CARNS1: variants seen among roughly 807,000 people sequenced by gnomAD.
CARNS1 encodes the protein carnosine synthase 1, also known as ATP-grasp domain containing 1.
Under a neutral mutation model 74.0 loss-of-function variants are expected in CARNS1, and 61 were observed. The ratio of observed to expected loss-of-function variants is 0.82; its 90% CI spans 0.67 to 1.02. CARNS1 has a LOEUF of 1.02. Ranked by LOEUF, CARNS1 falls within the 50% of genes least tolerant of loss-of-function variation. CARNS1 has a pLI of 0.00. For synonymous variants in CARNS1, 568 were observed against 605.5 expected (o/e 0.94, Z 0.91); for missense variants, 1,278 against 1,308.4 (o/e 0.98, Z 0.36).
intron 9 of CARNS1, among the ~76,000 whole-genome samples, chr11:67,421,492 C>A (rs1590961305): frequency 6.6e-6 from 1 of 152,066 alleles, no homozygotes; most frequent in Non-Finnish European, 1.5e-5. Context: ...GGAGAGGAGC[C>A]CGGGTAGATG....
In CARNS1 at chr11:67,420,633, G is replaced by T; in HGVS notation, c.1138G>T (p.Asp380Tyr). 8.1e-7 allele frequency: 1 copy of T among 1,241,422 alleles called. No individual in the cohort carries two copies. Among genetic ancestry groups the T allele is most frequent in the Non-Finnish European group, 1.0e-6 (1 of 993,234 alleles). The allele number at this position is 1,241,422 out of a possible 1,614,324, so 76.9% of individuals were successfully genotyped here. The part of the protein sequence containing the change: ...SKVVCGVGRG[D>Y]RPLRHHNSLP... ...GGTGGTGTGCGGCGTGGGCCGCGGG[G>T]ACCGCCCTCTACGGCACCACAACTC... is the stretch of plus-strand genomic sequence containing the variant. Residue 380 changes from aspartate to tyrosine, a missense_variant, in exon 8 of 10, where the codon GAC (aspartate) becomes TAC (tyrosine). Coordinates refer to ENST00000687366, the MANE Select transcript of CARNS1 (RefSeq NM_001166222.2).
intron 7 of CARNS1, 44 bp downstream of exon 7, chr11:67,419,882 G>A (rs1863651902): frequency 2.6e-6 from 4 of 1,540,664 alleles, no homozygotes; most frequent in East Asian, 2.4e-5. Flanking sequence ...CCTGCCACAC[G>A]CCAGCCCAGT....
chr11:67,416,429 CCTT>C, intron 2 of CARNS1: 2 of 1,384,512 alleles, frequency 1.4e-6, no homozygotes, highest in Admixed American at 3.0e-5. Flanking sequence ...AGGGAGCTCA[CCTT>C]CTAGGAGACG....
chr11:67,424,013 G>T lies in CARNS1; in HGVS notation c.2265G>T (p.Thr755=). The part of the protein sequence containing the change: ...LAAFVSDNGP[T]RLPGFTETAA... ...CCTTTGTCTCCGACAATGGCCCTAC[G>T]AGGCTGCCTGGCTTCACTGAGACGG... The change falls in exon 10 of 10, where the codon ACG becomes ACT. Residue 755 remains threonine (T), a synonymous_variant. Coordinates refer to ENST00000687366, the MANE Select transcript of CARNS1 (RefSeq NM_001166222.2). The T allele has an allele frequency of 6.2e-7, 1 of 1,612,940 alleles. No individual in the cohort carries two copies. The highest frequency in any genetic ancestry group is 8.5e-7 in the Non-Finnish European group (1 of 1,179,806).
chr11:67,423,884 A>C lies in CARNS1; in HGVS notation c.2136A>C (p.Pro712=), dbSNP rs1863766939. 6.2e-7 allele frequency: 1 copy of C among 1,613,416 alleles called. No homozygotes were observed. Residue 712 remains proline, a synonymous_variant, in exon 10 of 10, where the codon CCA becomes CCC. Coordinates refer to ENST00000687366, the MANE Select transcript of CARNS1 (RefSeq NM_001166222.2). This position sits in a 1 kb window ranked among gnomAD's most constrained non-coding sequence, Gnocchi z 5.1. ...ACTTGCAGGGCGAGGCCGACCACCC[A>C]GGCATTGGGCTGGGCTGGGGCAATG... is the stretch of plus-strand genomic sequence containing the variant. ...TRDLQGEADH[P]GIGLGWGNAM...
At position 67,421,229 on chromosome 11, in the gene CARNS1, G is replaced by A; in HGVS notation, c.1626+10G>A. On this transcript the variant is annotated intron_variant, in intron 9 of 9. Transcript: ENST00000687366. ...CGACTACGGGCTCCAGGTGGGCGGGGCGCGGGGCGGGGCTGGGCCCCAGGT... is the reference window on the plus strand; with the variant it reads ...CGACTACGGGCTCCAGGTGGGCGGGACGCGGGGCGGGGCTGGGCCCCAGGT... 3.4e-6 allele frequency: 5 copies of A among 1,481,980 alleles called. No individual in the cohort carries two copies. The highest frequency in any genetic ancestry group is 3.6e-6 in the Non-Finnish European group (4 of 1,123,590). 91.8% of individuals were successfully genotyped at this position (1,481,980 alleles called of 1,614,324 possible).
At position 67,422,198 on chromosome 11, in the gene CARNS1, T is replaced by G. The variant is rs1257524617; in HGVS notation, c.1626+979T>G. Among the ~76,000 whole-genome samples, 14 of 139,958 alleles carry G rather than the reference T, an allele frequency of 1.0e-4. 1 individual carries two copies. The highest frequency in any genetic ancestry group is 3.8e-4 in the African/African-American group (14 of 36,766). The allele number at this position is 139,958 out of a possible 152,430, so 91.8% of individuals were successfully genotyped here. On this transcript the variant is annotated intron_variant, in intron 9 of 9. Transcript: ENST00000687366. The stretch of plus-strand genomic sequence containing the variant: ...TTTTTTTTTTTTTTTTTTTTTTTTT[T>G]TTTAATACGGAGTCTCTCTCTGTCT...
At chr11:67,416,372 T>C (rs1590956129) in intron 2 of CARNS1, 170 bp downstream of exon 2, 1 of 1,452,986 alleles carries the variant, frequency 6.9e-7, no homozygotes, top group Non-Finnish European at 9.1e-7. Flanking sequence ...TCCTGGGAGG[T>C]GGGCACTCTT....
Position 67,423,980 on chromosome 11 carries a change from G to A in CARNS1, c.2232G>A (p.Leu744=), listed in dbSNP as rs765014733. 6.2e-7 allele frequency: 1 copy of A among 1,613,330 alleles called. No individual in the cohort carries two copies. Among genetic ancestry groups the A allele is most frequent in the Non-Finnish European group, 8.5e-7 (1 of 1,179,842 alleles). The change falls in exon 10 of 10, where the codon TTG becomes TTA. Residue 744 remains leucine (L), a synonymous_variant. Coordinates refer to ENST00000687366, the MANE Select transcript of CARNS1 (RefSeq NM_001166222.2). The surrounding 1 kb of genome is among the most constrained non-coding windows in gnomAD (Gnocchi z 5.1). ...DVDLVLFGGR[L]LAAFVSDNGP... is the part of the protein sequence containing the mutation. The stretch of plus-strand genomic sequence containing the variant: ...ACCTGGTGTTGTTTGGTGGGCGGTT[G>A]CTGGCTGCCTTTGTCTCCGACAATG...
chr11:67,416,109 G>A, intron 1 of CARNS1, 67 bp from the exon 2 acceptor site: 2 of 986,242 alleles, frequency 2.0e-6, no homozygotes, highest in Middle Eastern at 2.0e-4. Flanking sequence ...CTAGGGGCTG[G>A]AAGGCCAGGC....
Position 67,423,505 on chromosome 11 carries a change from G to T in CARNS1, c.1757G>T (p.Arg586Leu). ...ARLLAELVRA[R>L]GLKLDGCFSY... ...CTGCTGGCAGAGTTGGTGCGGGCTC[G>T]CGGCCTCAAGCTAGATGGCTGCTTC... Residue 586 changes from arginine to leucine, a missense_variant, in exon 10 of 10, where the codon CGC becomes CTC. Transcript: ENST00000687366. This position sits in a 1 kb window ranked among gnomAD's most constrained non-coding sequence, Gnocchi z 5.1. The T allele has an allele frequency of 6.2e-7, 1 of 1,613,878 alleles. No homozygotes were observed. Among genetic ancestry groups the T allele is most frequent in the Non-Finnish European group, 8.5e-7 (1 of 1,179,844 alleles).
In CARNS1 at chr11:67,420,710, G is replaced by C. The variant is rs1393494352; in HGVS notation, c.1215G>C (p.Glu405Asp). Residue 405 changes from glutamate to aspartate, a missense_variant, in exon 8 of 10, where the codon GAG becomes GAC. This residue lies in a region of CARNS1 where 1,164 missense variants were observed against 1,156.5 expected (regional missense o/e 1.01). Coordinates refer to ENST00000687366, the MANE Select transcript of CARNS1 (RefSeq NM_001166222.2). ...VALAQCGLGE[E>D]AQVAAVRQRV... Reference sequence around the variant, plus strand: ...TGGCCCAGTGCGGCCTGGGCGAGGAGGCGCAGGTGGCGGCTGTGCGGCAGC... The same window carrying C: ...TGGCCCAGTGCGGCCTGGGCGAGGACGCGCAGGTGGCGGCTGTGCGGCAGC... 2 of 1,266,376 alleles carry C rather than the reference G, an allele frequency of 1.6e-6. No individual in the cohort carries two copies. Among genetic ancestry groups the C allele is most frequent in the Non-Finnish European group, 2.0e-6 (2 of 1,009,322 alleles). 78.4% of individuals were successfully genotyped at this position (1,266,376 alleles called of 1,614,324 possible).
Position 67,423,902 on chromosome 11 carries a change from G to C in CARNS1, c.2154G>C (p.Trp718Cys). 6.2e-7 allele frequency: 1 copy of C among 1,613,690 alleles called. No individual in the cohort carries two copies. Among genetic ancestry groups the C allele is most frequent in the Non-Finnish European group, 8.5e-7 (1 of 1,179,888 alleles). ...ACCACCCAGGCATTGGGCTGGGCTG[G>C]GGCAATGCCATGCTGCTGATGGAGT... ...EADHPGIGLG[W>C]GNAMLLMEFV... Residue 718 changes from tryptophan to cysteine, a missense_variant, in exon 10 of 10, where the codon TGG becomes TGC. Physicochemically the swap from Trp to Cys is radical, Grantham distance 215. Coordinates refer to ENST00000687366, the MANE Select transcript of CARNS1 (RefSeq NM_001166222.2). This position sits in a 1 kb window ranked among gnomAD's most constrained non-coding sequence, Gnocchi z 5.1.
At chr11:67,420,156 C>T (rs1325903503) in intron 7 of CARNS1, among the ~76,000 whole-genome samples, 1 of 152,188 alleles carries the variant, frequency 6.6e-6, no homozygotes, top group Non-Finnish European at 1.5e-5. Context: ...TCCTGATAAA[C>T]CTCTAGTGCC....
In CARNS1 at chr11:67,425,223, A is replaced by C. The variant is rs1863802789; in HGVS notation, c.*622A>C. 1 of 374,436 alleles carries C rather than the reference A, an allele frequency of 2.7e-6. No homozygotes were observed. The highest frequency in any genetic ancestry group is 5.3e-6 in the Non-Finnish European group (1 of 188,876). 23.2% of individuals were successfully genotyped at this position (374,436 alleles called of 1,614,324 possible). ...CTGCCTATGTTCCCCCGATGAGAGG[A>C]AACAGGCTGAGAGAAGAAAAATGAC... is the stretch of plus-strand genomic sequence containing the variant. On this transcript the variant is annotated 3_prime_UTR_variant, in exon 10 of 10. Coordinates refer to ENST00000687366, the MANE Select transcript of CARNS1 (RefSeq NM_001166222.2).
intron 2 of CARNS1, chr11:67,416,683 G>C (rs1863553434): frequency 1.0e-6 from 1 of 989,630 alleles, no homozygotes; most frequent in Non-Finnish European, 1.2e-6. Context: ...TGCCAGGCCT[G>C]TCCAGGCCTG....
chr11:67,423,546 T>TA lies in CARNS1; in HGVS notation c.1798_1799insA (p.Cys600Ter), dbSNP rs774576951. 11 of 1,612,658 alleles carry TA rather than the reference T, an allele frequency of 6.8e-6. No individual in the cohort carries two copies. The highest frequency in any genetic ancestry group is 9.3e-6 in the Non-Finnish European group (11 of 1,179,364). Residue 600 changes from cysteine to a stop codon, truncating the protein, a stop_gained and frameshift_variant, in exon 10 of 10, where the codon TGC (cysteine) becomes TAGC (stop). Transcript: ENST00000687366. LOFTEE classifies it high-confidence loss of function. This position sits in a 1 kb window ranked among gnomAD's most constrained non-coding sequence, Gnocchi z 5.1. ...TGGCTGCTTCTCCTACTGGGATGAC[T>TA]GCCTGGTGCTCACAGCCCTGCTCTG... ...LDGCFSYWDD[C>*]LVLTALLCQE...
In CARNS1 at chr11:67,420,610, T is replaced by A; in HGVS notation, c.1115T>A (p.Val372Glu). The A allele has an allele frequency of 8.1e-7, 1 of 1,238,160 alleles. No individual in the cohort carries two copies. Among genetic ancestry groups the A allele is most frequent in the Non-Finnish European group, 1.0e-6 (1 of 991,416 alleles). The allele number at this position is 1,238,160 out of a possible 1,614,324, so 76.7% of individuals were successfully genotyped here. A position where few individuals can be genotyped will look rare whatever the true frequency, so the allele number is the denominator to read the frequency against. The change falls in exon 8 of 10, where the codon GTG becomes GAG. Residue 372 changes from valine (V) to glutamate (E), a missense_variant and splice_region_variant. Physicochemically the swap from Val to Glu is moderately radical, Grantham distance 121 (BLOSUM62 -2). Transcript: ENST00000687366. The stretch of plus-strand genomic sequence containing the variant: ...CCCCCTGAGTCTCCCCCTGCCCAGG[T>A]GGTGTGCGGCGTGGGCCGCGGGGAC... ...TQGDRPLLSK[V>E]VCGVGRGDRP...
Position 67,423,677 on chromosome 11 carries a change from T to C in CARNS1, c.1929T>C (p.Pro643=). 2.5e-6 allele frequency: 4 copies of C among 1,597,196 alleles called. No homozygotes were observed. The highest frequency in any genetic ancestry group is 3.4e-6 in the Non-Finnish European group (4 of 1,174,900). ...TGCACCACCATGGCCCACCCTGGCC[T>C]GCGCCCTCCCTCCATGCTGTGCCCT... ...HLLHHHGPPW[P]APSLHAVPCC... is the part of the protein sequence containing the mutation. The change falls in exon 10 of 10, where the codon CCT becomes CCC. Residue 643 remains proline (P), a synonymous_variant. Transcript: ENST00000687366. The surrounding 1 kb of genome is among the most constrained non-coding windows in gnomAD (Gnocchi z 5.1).
Sources: allele counts gnomAD v4.1 joint callset (sites outside exome capture counted in the v4.1 genomes callset), GRCh38; gene constraint gnomAD v4.1.1; regional missense constraint gnomAD v4.1.1; non-coding constraint Gnocchi (gnomAD v3.1); transcripts MANE v1.5; gene names NCBI Gene and HGNC (gene_info 2026-07-23, HGNC 2026-07-21).